The following BFSP1 variants were observed in gnomAD, a reference collection of about 807,000 sequenced individuals.
BFSP1 encodes beaded filament structural protein 1.
In BFSP1, 38 loss-of-function variants were observed where a neutral mutation model predicts 43.9. The ratio of observed to expected loss-of-function variants is 0.87; its 90% confidence interval spans 0.67 to 1.14. The LOEUF (loss-of-function observed/expected upper bound fraction) is 1.14. BFSP1 is among the 50% of genes most tolerant of loss of function. BFSP1 has a pLI of 0.00. For synonymous variants in BFSP1, 352 were observed against 354.8 expected, an observed-to-expected ratio of 0.99 and a Z score of 0.09; for missense variants, 850 against 875.1, an observed-to-expected ratio of 0.97 and a Z score of 0.36.
At chr20:17,554,667 T>C (rs2034960659) in intron 1 of BFSP1, among the ~76,000 whole-genome samples, 1 of 152,212 alleles carries the variant, frequency 6.6e-6, no homozygotes, top group African/African-American at 2.4e-5. Flanking sequence ...GAATATTAGA[T>C]GCTTTTCCAC....
At chr20:17,562,746 T>C (rs1182961752), upstream of BFSP1, among the ~76,000 whole-genome samples, 5 of 152,164 alleles carry the variant, frequency 3.3e-5, no homozygotes, top group South Asian at 2.1e-4. Flanking sequence ...TAACGACTAA[T>C]AGAGAAATCA....
intron 2 of BFSP1, among the ~76,000 whole-genome samples, chr20:17,520,778 G>A (rs765976389): frequency 2.0e-4 from 30 of 152,052 alleles, no homozygotes; most frequent in Non-Finnish European, 3.4e-4. Context: ...GTTCATTTCC[G>A]GGCTCAGAGG....
In BFSP1 at chr20:17,518,266, AGAATAT is replaced by A. The variant is rs148842723; in HGVS notation, c.439-3456_439-3451del. ...AGGACACTGAACTGTCCAAACTACAAGAATATGAAATCTAACTATGGGACTTAGCTT... is the reference window on the plus strand; with the variant it reads ...AGGACACTGAACTGTCCAAACTACAAGAAATCTAACTATGGGACTTAGCTT... On this transcript the variant is annotated intron_variant, in intron 2 of 7. Transcript: ENST00000377873. Among the ~76,000 whole-genome samples, 999 of 152,356 alleles carry A rather than the reference AGAATAT, an allele frequency of 6.6e-3. 13 individuals carry two copies. The highest frequency in any genetic ancestry group is 0.023 in the African/African-American group (943 of 41,578).
intron 1 of BFSP1, among the ~76,000 whole-genome samples, chr20:17,568,965 A>C (rs1027183981): frequency 6.6e-6 from 1 of 152,196 alleles, no homozygotes; most frequent in South Asian, 2.1e-4. Flanking sequence ...GCTGGGATTC[A>C]TCTGGGCCCT....
Position 17,531,082 on chromosome 20 carries a change from C to T in BFSP1, c.248G>A (p.Gly83Glu), listed in dbSNP as rs2034525308. 4 of 1,373,916 alleles carry T rather than the reference C, an allele frequency of 2.9e-6. No individual in the cohort carries two copies. The highest frequency in any genetic ancestry group is 3.8e-6 in the Non-Finnish European group (4 of 1,065,604). 85.1% of individuals were successfully genotyped at this position (1,373,916 alleles called of 1,614,324 possible). The change falls in exon 1 of 8, where the codon GGG (glycine) becomes GAG (glutamate). Residue 83 changes from glycine (G) to glutamate (E), a missense_variant. Coordinates refer to ENST00000377873, the MANE Select transcript of BFSP1 (RefSeq NM_001195.5). ...DAFQRLGELA[G>E]PEDALARQVE... is the part of the protein sequence containing the mutation. ...TTGGCGGGCGAGGGCGTCCTCGGGC[C>T]CGGCCAGCTCGCCCAGGCGCTGGAA...
At chr20:17,528,431 A>G (rs754732083) in intron 1 of BFSP1, among the ~76,000 whole-genome samples, 2 of 152,152 alleles carry the variant, frequency 1.3e-5, no homozygotes, top group Non-Finnish European at 2.9e-5. Flanking sequence ...TGCCAACACA[A>G]AGGCCATCCA....
intron 4 of BFSP1, among the ~76,000 whole-genome samples, chr20:17,511,400 A>G (rs946386156): frequency 6.6e-6 from 1 of 152,236 alleles, no homozygotes; most frequent in Non-Finnish European, 1.5e-5. Context: ...TTTGAAATTC[A>G]TTATCAGATT....
rs2033972243 is a variant in BFSP1 at position 17,507,689 on chromosome 20, T to A, written c.735+1200A>T. Among the ~76,000 whole-genome samples, 1 of 152,002 alleles carries A rather than the reference T, an allele frequency of 6.6e-6. No individual in the cohort carries two copies. Among genetic ancestry groups the A allele is most frequent in the Admixed American group, 6.6e-5 (1 of 15,244 alleles). On this transcript the variant is annotated intron_variant, in intron 5 of 7. Coordinates refer to ENST00000377873, the MANE Select transcript of BFSP1 (RefSeq NM_001195.5). This position sits in a 1 kb window ranked among gnomAD's most constrained non-coding sequence, Gnocchi z 4.4. Reference sequence around the variant, plus strand: ...ACAAACACATACAACCCTTATTCTATCCTGTCAGAGCCTCAGAAGAAACCA... The same window carrying A: ...ACAAACACATACAACCCTTATTCTAACCTGTCAGAGCCTCAGAAGAAACCA...
intron 5 of BFSP1, among the ~76,000 whole-genome samples, chr20:17,502,908 A>C (rs1312925850): frequency 6.6e-6 from 1 of 152,234 alleles, no homozygotes; most frequent in Non-Finnish European, 1.5e-5. Context: ...TTTGAGCCCC[A>C]AATCTCAAAG....
chr20:17,567,839 C>G (rs995329389), intron 1 of BFSP1, among the ~76,000 whole-genome samples: 1 of 121,196 alleles, frequency 8.3e-6, no homozygotes, highest in Admixed American at 9.7e-5. Context: ...ACAGTCTGGG[C>G]AACAAGAGTG....
At position 17,530,970 on chromosome 20, in the gene BFSP1, G is replaced by A; in HGVS notation, c.360C>T (p.Leu120=). 7.0e-7 allele frequency: 1 copy of A among 1,438,488 alleles called. No individual in the cohort carries two copies. The highest frequency in any genetic ancestry group is 9.1e-7 in the Non-Finnish European group (1 of 1,099,620). The allele number at this position is 1,438,488 out of a possible 1,614,324, so 89.1% of individuals were successfully genotyped here. ...CCGCTTACTTGCTTCGGAACTCGTCGAGCGCGCGCTGCGCCTCGGTGCCCT... is the reference window on the plus strand; with the variant it reads ...CCGCTTACTTGCTTCGGAACTCGTCAAGCGCGCGCTGCGCCTCGGTGCCCT... ...ERQGTEAQRA[L]DEFRSKYENE... is the part of the protein sequence containing the mutation. Residue 120 remains leucine, a synonymous_variant, in exon 1 of 8, where the codon CTC becomes CTT. Transcript: ENST00000377873.
intron 6 of BFSP1, among the ~76,000 whole-genome samples, chr20:17,497,611 T>C (rs1209796541): frequency 7.0e-5 from 8 of 113,666 alleles, no homozygotes; most frequent in Non-Finnish European, 1.5e-4. Flanking sequence ...TATATACGTA[T>C]ATATACATAT....
At chr20:17,561,608 G>C (rs542275156), upstream of BFSP1, among the ~76,000 whole-genome samples, 63 of 152,268 alleles carry the variant, frequency 4.1e-4, no homozygotes, top group Admixed American at 3.4e-3. Flanking sequence ...CTGCATTTCT[G>C]CATGTATTGT....
chr20:17,537,568 C>CAAAAA (rs901895418), intron 1 of BFSP1, among the ~76,000 whole-genome samples: 28 of 63,778 alleles, frequency 4.4e-4, no homozygotes, highest in African/African-American at 5.8e-4. Flanking sequence ...ACTGAAGCAC[C>CAAAAA]AAAAAAAAAA....
chr20:17,559,581 G>C (rs1288978168), upstream of BFSP1, among the ~76,000 whole-genome samples: 1 of 152,170 alleles, frequency 6.6e-6, no homozygotes, highest in Non-Finnish European at 1.5e-5. Context: ...CCCCACCCCT[G>C]GGCCATGAAC....
At chr20:17,567,470 T>C (rs554938350) in intron 1 of BFSP1, among the ~76,000 whole-genome samples, 1 of 152,090 alleles carries the variant, frequency 6.6e-6, no homozygotes, top group Non-Finnish European at 1.5e-5. Flanking sequence ...ACTCAAAGTA[T>C]AGCATCTGCA....
chr20:17,497,057 A>G, intron 6 of BFSP1, 34 bp from the exon 7 acceptor site: 1 of 1,479,612 alleles, frequency 6.8e-7, no homozygotes, highest in African/African-American at 1.4e-5. Context: ...CAAGCCAAAC[A>G]GAGGTCAGGG....
intron 1 of BFSP1, among the ~76,000 whole-genome samples, chr20:17,567,261 A>C (rs1418448669): frequency 6.6e-6 from 1 of 152,162 alleles, no homozygotes; most frequent in East Asian, 1.9e-4. Flanking sequence ...TAAATTGTAA[A>C]ACATCTTCAG....
At chr20:17,512,779 T>A (rs1052337919) in intron 3 of BFSP1, among the ~76,000 whole-genome samples, 5 of 152,172 alleles carry the variant, frequency 3.3e-5, no homozygotes, top group African/African-American at 4.8e-5. Context: ...ACACCAGCAG[T>A]GTTTCAAAGA....
Sources: gnomAD v4.1 joint callset for allele counts (sites outside exome capture counted in the v4.1 genomes callset) on GRCh38, gnomAD v4.1.1 for gene constraint, Gnocchi (gnomAD v3.1) non-coding constraint, MANE v1.5 for transcripts, NCBI Gene and HGNC (gene_info 2026-07-23, HGNC 2026-07-21) for gene names.